Variants in TRHDE observed in about 807,000 individuals in gnomAD.
TRHDE encodes the protein thyrotropin releasing hormone degrading enzyme.
TRHDE carries 72 observed loss-of-function variants against 125.7 expected under a neutral mutation model. That is an observed-to-expected ratio of 0.57 (90% CI 0.47 to 0.70). The LOEUF (loss-of-function observed/expected upper bound fraction) is 0.70, where lower values mean the gene tolerates loss of function less well. TRHDE is among the 30% of genes least tolerant of loss of function. The probability of loss-of-function intolerance (pLI) is 0.00; values close to 1 mark genes in which losing one functional copy is unlikely to be tolerated. For missense variants in TRHDE, 1,110 were observed against 1,327.1 expected, an observed-to-expected ratio of 0.84 and a Z score of 2.54; for synonymous variants, 509 against 509.1, an observed-to-expected ratio of 1.00 and a Z score of 0.00.
chr12:72,377,963 C>T (rs753610210), intron 2 of TRHDE, 32 bp from the exon 3 acceptor site: 42 of 1,490,770 alleles, frequency 2.8e-5, no homozygotes, highest in Non-Finnish European at 3.5e-5. Context: ...TGCTAAAAGG[C>T]TAAAGTAACT....
intron 3 of TRHDE, among the ~76,000 whole-genome samples, chr12:72,414,801 C>G (rs560085348): frequency 5.3e-4 from 81 of 152,158 alleles, no homozygotes; most frequent in Non-Finnish European, 1.0e-3. Context: ...ATTTACTGCT[C>G]TTTGTTGATC....
rs548600694 is a variant in TRHDE, at chr12:72,537,052, G to C, written c.1723-5239G>C. On this transcript the variant is annotated intron_variant, in intron 6 of 18. Coordinates refer to ENST00000261180, the MANE Select transcript of TRHDE (RefSeq NM_013381.3). ...TTTAAATTATTGATTTTGGAGGTGGGTATAAGTGGGTTTCTAATTCTGGCT... is the reference window on the plus strand; with the variant it reads ...TTTAAATTATTGATTTTGGAGGTGGCTATAAGTGGGTTTCTAATTCTGGCT... 1.1e-4 allele frequency among the ~76,000 whole-genome samples: 16 copies of C among 152,146 alleles called. No homozygotes were observed. In the South Asian group the frequency reaches 1.7e-3, roughly 16 times the overall value.
chr12:72,516,909 G>T (rs1320620098), intron 6 of TRHDE, among the ~76,000 whole-genome samples: 1 of 151,982 alleles, frequency 6.6e-6, no homozygotes, highest in Non-Finnish European at 1.5e-5. Flanking sequence ...TAATCATGTG[G>T]TTTTTGTCTT....
At position 72,115,651 on chromosome 12, in the gene TRHDE, T is replaced by C. The variant is rs572648578; in HGVS notation, n.279+9899T>C. Among the ~76,000 whole-genome samples the C allele has an allele frequency of 4.3e-3, 649 of 152,268 alleles. 1 individual carries two copies. The highest frequency in any genetic ancestry group is 0.015 in the African/African-American group (627 of 41,566). On this transcript the variant is annotated intron_variant and non_coding_transcript_variant, in intron 2 of 4. Transcript: ENST00000548156. ...ATGTTTTCCCCAGTGGTTGTACTAA[T>C]TTATATTCCCACCAACAGTGTACAA... is the stretch of plus-strand genomic sequence containing the variant.
intron 2 of TRHDE, among the ~76,000 whole-genome samples, chr12:72,205,669 T>C (rs1877650666): frequency 6.6e-6 from 1 of 152,238 alleles, no homozygotes; most frequent in Admixed American, 6.5e-5. Context: ...TTCATTCATG[T>C]TGTGGCATAT....
intron 2 of TRHDE, among the ~76,000 whole-genome samples, chr12:72,178,693 G>T (rs1158056636): frequency 6.6e-6 from 1 of 151,976 alleles, no homozygotes; most frequent in African/African-American, 2.4e-5. Flanking sequence ...ATCCCACTTA[G>T]GCATCAGTTT....
intron 3 of TRHDE, among the ~76,000 whole-genome samples, chr12:72,386,896 C>T (rs1872442537): frequency 6.6e-6 from 1 of 152,078 alleles, no homozygotes; most frequent in Non-Finnish European, 1.5e-5. Context: ...GTTTTTCCTA[C>T]CCATTGGCCA....
Position 72,119,986 on chromosome 12 carries a change from A to G in TRHDE, n.279+14234A>G, listed in dbSNP as rs145746229. On this transcript the variant is annotated intron_variant and non_coding_transcript_variant, in intron 2 of 4. Coordinates refer to the TRHDE transcript ENST00000548156. ...TTTATTTTATTCATTCAGCCACTCT[A>G]TGTCTTTTGACTGGAGAGCTTAGTC... 1.3e-3 allele frequency among the ~76,000 whole-genome samples: 192 copies of G among 151,602 alleles called. 2 individuals are homozygous for G. The highest frequency in any genetic ancestry group is 4.3e-3 in the African/African-American group (179 of 41,362).
intron 3 of TRHDE, among the ~76,000 whole-genome samples, chr12:72,460,725 G>T (rs959470802): frequency 6.6e-6 from 1 of 152,098 alleles, no homozygotes; most frequent in Non-Finnish European, 1.5e-5. Flanking sequence ...GTCATTTAAT[G>T]TCTTTTCTGT....
intron 2 of TRHDE, among the ~76,000 whole-genome samples, chr12:72,356,354 G>A (rs1203534425): frequency 6.6e-6 from 1 of 151,462 alleles, no homozygotes; most frequent in Non-Finnish European, 1.5e-5. Context: ...GACACAGAGA[G>A]GGGAACAACA....
intron 2 of TRHDE, among the ~76,000 whole-genome samples, chr12:72,161,855 A>T (rs573734149): frequency 6.6e-6 from 1 of 152,246 alleles, no homozygotes; most frequent in African/African-American, 2.4e-5. Context: ...TTTGATCTTG[A>T]TATGTGTTTT....
intron 3 of TRHDE, among the ~76,000 whole-genome samples, chr12:72,418,061 A>G (rs1873803632): frequency 1.3e-5 from 2 of 152,070 alleles, no homozygotes; most frequent in East Asian, 1.9e-4. Context: ...AAATCTTGCC[A>G]TAATTCCTAC....
Position 72,438,123 on chromosome 12 carries a change from G to C in TRHDE, c.1316-31635G>C, listed in dbSNP as rs1380220472. On this transcript the variant is annotated intron_variant, in intron 3 of 18. Coordinates refer to ENST00000261180, the MANE Select transcript of TRHDE (RefSeq NM_013381.3). Reference sequence around the variant, plus strand: ...ATGACAGGCTTTTCTTCTTTTATACGGCCGAATAGTATTTCATTGTGTATA... The same window carrying C: ...ATGACAGGCTTTTCTTCTTTTATACCGCCGAATAGTATTTCATTGTGTATA... Among the ~76,000 whole-genome samples, 4 of 151,554 alleles carry C rather than the reference G, an allele frequency of 2.6e-5. No homozygotes were observed. In the East Asian group the frequency reaches 7.7e-4, roughly 29 times the overall value.
chr12:72,351,024 T>C (rs973192342), intron 2 of TRHDE, among the ~76,000 whole-genome samples: 3 of 151,986 alleles, frequency 2.0e-5, no homozygotes, highest in Admixed American at 6.6e-5. Context: ...TTAAATGTGT[T>C]TGAGTTTCTG....
At chr12:72,633,710 C>A (rs1297707344) in intron 15 of TRHDE, among the ~76,000 whole-genome samples, 1 of 152,072 alleles carries the variant, frequency 6.6e-6, no homozygotes, top group Admixed American at 6.6e-5. Flanking sequence ...AAACCATATT[C>A]TTCCTGGTTG....
intron 15 of TRHDE, among the ~76,000 whole-genome samples, chr12:72,651,536 A>C (rs1483863091): frequency 1.3e-5 from 2 of 152,090 alleles, no homozygotes. Context: ...AACTTTAAAA[A>C]AAAGTATTGG....
chr12:72,584,994 A>G (rs1343050639), intron 12 of TRHDE, among the ~76,000 whole-genome samples: 6 of 152,116 alleles, frequency 3.9e-5, no homozygotes, highest in Non-Finnish European at 7.4e-5. Context: ...CACTATTTTT[A>G]TCATCTTCTG....
chr12:72,382,932 C>T (rs1403308238), intron 3 of TRHDE, among the ~76,000 whole-genome samples: 1 of 152,144 alleles, frequency 6.6e-6, no homozygotes, highest in Admixed American at 6.5e-5. Context: ...AGTAGTTTAT[C>T]GGGATAGTTC....
chr12:72,340,125 T>C (rs552595058), intron 2 of TRHDE, among the ~76,000 whole-genome samples: 13 of 152,098 alleles, frequency 8.5e-5, no homozygotes, highest in Non-Finnish European at 1.6e-4. Context: ...CAACAAACTT[T>C]CTGTATGCAA....
Sources: allele counts gnomAD v4.1 joint callset (sites outside exome capture counted in the v4.1 genomes callset), GRCh38; gene constraint gnomAD v4.1.1; transcripts MANE v1.5; gene names NCBI Gene and HGNC (gene_info 2026-07-23, HGNC 2026-07-21).